GRM7: variants seen among roughly 807,000 people sequenced by gnomAD.
GRM7 encodes glutamate metabotropic receptor 7, also known as metabotropic glutamate receptor 7.
In GRM7, 35 loss-of-function variants were observed where a neutral mutation model predicts 84.5. The ratio of observed to expected loss-of-function variants is 0.41; its 90% CI spans 0.32 to 0.55. GRM7 has a LOEUF of 0.55. Among genes scored for constraint, GRM7 ranks in the 20% least tolerant of loss-of-function variants. The probability of loss-of-function intolerance (pLI) is 0.19; values close to 1 mark genes in which losing one functional copy is unlikely to be tolerated. For missense variants in GRM7, 1,003 were observed against 1,194.6 expected (o/e 0.84, Z 2.36); for synonymous variants, 487 against 455.1 (o/e 1.07, Z -0.89).
At position 7,282,682 on chromosome 3, in the gene GRM7, A is replaced by G. The variant is rs80222357; in HGVS notation, c.737-16002A>G. Reference sequence around the variant, plus strand: ...CCACAAATAGGATCTGTGACTTAACAAATGTAGGTAATGTTGATTAGACCT... The same window carrying G: ...CCACAAATAGGATCTGTGACTTAACGAATGTAGGTAATGTTGATTAGACCT... On this transcript the variant is annotated intron_variant, in intron 2 of 9. Coordinates refer to ENST00000357716, the MANE Select transcript of GRM7 (RefSeq NM_000844.4). Among the ~76,000 whole-genome samples, 609 of 152,342 alleles carry G rather than the reference A, an allele frequency of 4.0e-3. 4 individuals are homozygous for G. Among genetic ancestry groups the G allele is most frequent in the African/African-American group, 0.014 (582 of 41,570 alleles).
chr3:7,114,208 A>G (rs1449382986), intron 1 of GRM7, among the ~76,000 whole-genome samples: 1 of 152,206 alleles, frequency 6.6e-6, no homozygotes, highest in Non-Finnish European at 1.5e-5. Context: ...ACAATAGCAC[A>G]TACTTACTAG....
chr3:6,891,661 TAA>T (rs1695954081), intron 1 of GRM7, among the ~76,000 whole-genome samples: 1 of 152,216 alleles, frequency 6.6e-6, no homozygotes, highest in African/African-American at 2.4e-5. Context: ...TGGCTGCCCT[TAA>T]CATTTTTTCC....
intron 4 of GRM7, among the ~76,000 whole-genome samples, chr3:7,340,452 C>T (rs1352483558): frequency 6.6e-6 from 1 of 152,016 alleles, no homozygotes; most frequent in Non-Finnish European, 1.5e-5. Context: ...CTTATAAAAC[C>T]ATCAGATCTT....
chr3:7,111,467 G>T (rs1480578772), intron 1 of GRM7, among the ~76,000 whole-genome samples: 1 of 152,066 alleles, frequency 6.6e-6, no homozygotes, highest in Admixed American at 6.6e-5. Flanking sequence ...CTTAGTATTT[G>T]ATTCAAATTA....
In GRM7 at chr3:7,606,261, T is replaced by C. The variant is rs950537659; in HGVS notation, c.2451+26904T>C. ...ACCAGATGACTTCTAGCTCCTCTTT[T>C]TTTTTATAAGACTAAAGAACAAATC... On this transcript the variant is annotated intron_variant, in intron 8 of 9. Transcript: ENST00000357716. Among the ~76,000 whole-genome samples, 6 of 152,216 alleles carry C rather than the reference T, an allele frequency of 3.9e-5. No individual in the cohort carries two copies. In the East Asian group the frequency reaches 1.2e-3, roughly 29 times the overall value.
At chr3:7,025,408 G>A (rs768473837) in intron 1 of GRM7, among the ~76,000 whole-genome samples, 11 of 152,196 alleles carry the variant, frequency 7.2e-5, no homozygotes, top group Non-Finnish European at 1.5e-4. Context: ...ATGTGAAGAC[G>A]TTAAGGGGTA....
At chr3:7,570,739 G>A (rs1215101623) in intron 7 of GRM7, among the ~76,000 whole-genome samples, 1 of 152,182 alleles carries the variant, frequency 6.6e-6, no homozygotes, top group Non-Finnish European at 1.5e-5. Context: ...GCCCCACTAG[G>A]TGGTGCCTCA....
chr3:7,696,412 T>C (rs927384468), intron 9 of GRM7, among the ~76,000 whole-genome samples: 17 of 152,148 alleles, frequency 1.1e-4, no homozygotes, highest in African/African-American at 4.1e-4. Flanking sequence ...TTGTGGTCAG[T>C]ACATGGATAA....
At chr3:6,927,039 A>G (rs998603212) in intron 1 of GRM7, among the ~76,000 whole-genome samples, 4 of 152,204 alleles carry the variant, frequency 2.6e-5, no homozygotes, top group African/African-American at 9.6e-5. Context: ...GCAAAATTTG[A>G]CCACTGTATA....
At position 7,331,587 on chromosome 3, in the gene GRM7, G is replaced by A. The variant is rs143425545; in HGVS notation, c.1033+24935G>A. Among the ~76,000 whole-genome samples, 3 of 152,244 alleles carry A rather than the reference G, an allele frequency of 2.0e-5. No individual in the cohort carries two copies. The East Asian group carries it at 5.8e-4, about 29-fold the overall frequency. On this transcript the variant is annotated intron_variant, in intron 4 of 9. Transcript: ENST00000357716. ...GTGAGATAGCAGCATGGACCCTATA[G>A]CCAAAAGCACCTGAAACCCTGAAGC...
intron 1 of GRM7, among the ~76,000 whole-genome samples, chr3:7,108,072 A>T (rs1216518538): frequency 6.6e-6 from 1 of 152,066 alleles, no homozygotes; most frequent in African/African-American, 2.4e-5. Flanking sequence ...GTACCAAGCA[A>T]TGGGGTTGTT....
chr3:6,980,991 A>G lies in GRM7; in HGVS notation c.519+119084A>G, dbSNP rs911767954. ...CCCAGTGCAAAGTCTTGAAGGAACT[A>G]AACTTTATCTTTAGCCTACCTTGAG... is the stretch of plus-strand genomic sequence containing the variant. On this transcript the variant is annotated intron_variant, in intron 1 of 9. Coordinates refer to ENST00000357716, the MANE Select transcript of GRM7 (RefSeq NM_000844.4). Among the ~76,000 whole-genome samples the G allele has an allele frequency of 3.0e-4, 46 of 152,326 alleles. 1 individual carries two copies. Among genetic ancestry groups the G allele is most frequent in the African/African-American group, 1.1e-3 (44 of 41,586 alleles).
At chr3:6,952,933 C>T (rs929246818) in intron 1 of GRM7, among the ~76,000 whole-genome samples, 1 of 152,130 alleles carries the variant, frequency 6.6e-6, no homozygotes, top group Non-Finnish European at 1.5e-5. Flanking sequence ...AAGCAAAATT[C>T]CAACGACAAT....
chr3:7,138,171 A>C (rs1235296287), intron 1 of GRM7, among the ~76,000 whole-genome samples: 1 of 152,030 alleles, frequency 6.6e-6, no homozygotes, highest in Non-Finnish European at 1.5e-5. Context: ...CAAAAACAAA[A>C]AACAAAATCA....
At chr3:6,960,801 T>C (rs1693268145) in intron 1 of GRM7, among the ~76,000 whole-genome samples, 1 of 152,190 alleles carries the variant, frequency 6.6e-6, no homozygotes, top group African/African-American at 2.4e-5. Flanking sequence ...TTCTGCTCCT[T>C]CTACCTATGG....
At chr3:7,719,352 G>A (rs763013660) in intron 9 of GRM7, among the ~76,000 whole-genome samples, 40 of 152,112 alleles carry the variant, frequency 2.6e-4, no homozygotes, top group Non-Finnish European at 4.3e-4. Flanking sequence ...GTGCCCCTGC[G>A]TTTTCTTTGC....
chr3:7,089,469 A>G (rs1698585940), intron 1 of GRM7, among the ~76,000 whole-genome samples: 1 of 152,168 alleles, frequency 6.6e-6, no homozygotes, highest in Non-Finnish European at 1.5e-5. Flanking sequence ...CAAGATGCTG[A>G]CTATGAGCTG....
At chr3:7,374,229 CAT>C (rs34517630) in intron 4 of GRM7, among the ~76,000 whole-genome samples, 35,350 of 151,680 alleles carry the variant, frequency 0.23, 5,531 homozygotes, top group African/African-American at 0.45. Context: ...ATTAGTTAAA[CAT>C]ATATATATGT....
chr3:7,140,237 A>C (rs768089054), intron 1 of GRM7, among the ~76,000 whole-genome samples: 1 of 152,010 alleles, frequency 6.6e-6, no homozygotes, highest in Non-Finnish European at 1.5e-5. Flanking sequence ...CATGAGAGAG[A>C]GTGAGAAGTT....
Sources: gnomAD v4.1 joint callset for allele counts (sites outside exome capture counted in the v4.1 genomes callset) on GRCh38, gnomAD v4.1.1 for gene constraint, MANE v1.5 for transcripts, NCBI Gene and HGNC (gene_info 2026-07-23, HGNC 2026-07-21) for gene names.